Variants in PPFIA2 observed in about 807,000 individuals in gnomAD.
The protein encoded by PPFIA2 is liprin-alpha-2.
In PPFIA2, 46 loss-of-function variants were observed where a neutral mutation model predicts 175.5. The ratio of observed to expected loss-of-function variants is 0.26; its 90% confidence interval spans 0.21 to 0.34. PPFIA2 has a LOEUF of 0.34. PPFIA2 is among the 10% of genes least tolerant of loss of function. PPFIA2 has a pLI of 1.00. For synonymous variants in PPFIA2, 568 were observed against 511.4 expected (o/e 1.11, Z -1.49); for missense variants, 1,179 against 1,506.1 (o/e 0.78, Z 3.60).
chr12:81,485,773 C>CA (rs1205010971), intron 4 of PPFIA2, among the ~76,000 whole-genome samples: 1 of 151,698 alleles, frequency 6.6e-6, no homozygotes, highest in Non-Finnish European at 1.5e-5. Context: ...TTATTGATTG[C>CA]AAAATATGAA....
chr12:81,687,603 C>A (rs1402357517), intron 3 of PPFIA2: 1 of 151,988 alleles, frequency 6.6e-6, no homozygotes. Context: ...ATGTAAGACA[C>A]ATGCAAAAAT....
At chr12:81,735,682 C>G (rs2081486373) in intron 3 of PPFIA2, among the ~76,000 whole-genome samples, 1 of 151,558 alleles carries the variant, frequency 6.6e-6, no homozygotes, top group Admixed American at 6.6e-5. Context: ...ACAATGTTTT[C>G]CTATTATTTT....
intron 4 of PPFIA2, among the ~76,000 whole-genome samples, chr12:81,534,487 T>C (rs901194924): frequency 6.6e-6 from 1 of 151,664 alleles, no homozygotes; most frequent in African/African-American, 2.4e-5. Context: ...GGAAAAAATA[T>C]TTTGAAACTC....
intron 4 of PPFIA2, among the ~76,000 whole-genome samples, chr12:81,581,047 AGAAACAGT>A (rs2074327590): frequency 6.6e-6 from 1 of 151,876 alleles, no homozygotes; most frequent in South Asian, 2.1e-4. Context: ...CGGACTCTGA[AGAAACAGT>A]GAGATTTTAG....
chr12:81,320,454 A>G (rs1036439563), intron 22 of PPFIA2, among the ~76,000 whole-genome samples: 8 of 152,092 alleles, frequency 5.3e-5, no homozygotes, highest in Non-Finnish European at 1.0e-4. Context: ...ATTTGTTCAC[A>G]TATGAAATCT....
intron 4 of PPFIA2, among the ~76,000 whole-genome samples, chr12:81,498,967 T>A (rs991619939): frequency 6.6e-6 from 1 of 152,108 alleles, no homozygotes; most frequent in Admixed American, 6.5e-5. Flanking sequence ...GAAAGTGAGG[T>A]AAAGAAAAGA....
rs566763143 is a variant in PPFIA2, at chr12:81,354,869, C to T, written c.1774-1530G>A. Among the ~76,000 whole-genome samples, 5 of 152,194 alleles carry T rather than the reference C, an allele frequency of 3.3e-5. No individual in the cohort carries two copies. The South Asian group carries it at 1.0e-3, about 32-fold the overall frequency. The stretch of plus-strand genomic sequence containing the variant: ...ATGTTGGCCAGGCTGGTCTCGAGCT[C>T]CTGACTTCAGGTGATCACCTGCCTC... On this transcript the variant is annotated intron_variant, in intron 16 of 32. Coordinates refer to ENST00000549396, the MANE Select transcript of PPFIA2 (RefSeq NM_003625.5).
intron 3 of PPFIA2, among the ~76,000 whole-genome samples, chr12:81,677,063 G>A (rs570368052): frequency 6.6e-6 from 1 of 152,018 alleles, no homozygotes; most frequent in Admixed American, 6.6e-5. Flanking sequence ...AGAAAAACAT[G>A]TAAACAGATT....
chr12:81,541,628 C>A (rs1192126902), intron 4 of PPFIA2, among the ~76,000 whole-genome samples: 1 of 151,988 alleles, frequency 6.6e-6, no homozygotes. Context: ...ACAAATAGTT[C>A]TCTTTCATTA....
At chr12:81,576,445 T>C (rs1400214672) in intron 4 of PPFIA2, among the ~76,000 whole-genome samples, 2 of 151,784 alleles carry the variant, frequency 1.3e-5, no homozygotes, top group Non-Finnish European at 2.9e-5. Flanking sequence ...TTTTAACATA[T>C]GTGATTGAAC....
chr12:81,678,165 G>C (rs2072927365), intron 3 of PPFIA2, among the ~76,000 whole-genome samples: 2 of 151,682 alleles, frequency 1.3e-5, no homozygotes, highest in South Asian at 4.2e-4. Context: ...GGAAAGACAG[G>C]GATGAAGAGG....
intron 22 of PPFIA2, among the ~76,000 whole-genome samples, chr12:81,315,319 T>G (rs982824813): frequency 2.0e-5 from 3 of 151,862 alleles, no homozygotes; most frequent in African/African-American, 7.2e-5. Context: ...AATGTACACA[T>G]GGAGAAAGAA....
At chr12:81,758,324 G>C in intron 2 of PPFIA2, 76 bp downstream of exon 2, 2 of 451,294 alleles carry the variant, frequency 4.4e-6, no homozygotes, top group Non-Finnish European at 9.0e-6. Flanking sequence ...TCTTCCCTGG[G>C]GGCGGGGTGG....
Position 81,487,065 on chromosome 12 carries a change from C to T in PPFIA2, c.304-29199G>A, listed in dbSNP as rs113772331. 4.9e-3 allele frequency among the ~76,000 whole-genome samples: 738 copies of T among 151,958 alleles called. 8 individuals are homozygous for T. Among genetic ancestry groups the T allele is most frequent in the African/African-American group, 0.017 (708 of 41,506 alleles). On this transcript the variant is annotated intron_variant, in intron 4 of 32. Transcript: ENST00000549396. ...TGTGATTTCTGTCCTTAGAAAGTTT[C>T]CCTTAGGAAAGAAAAACACGTGATC...
chr12:81,718,157 T>G (rs2078880327), intron 3 of PPFIA2, among the ~76,000 whole-genome samples: 1 of 151,578 alleles, frequency 6.6e-6, no homozygotes, highest in Non-Finnish European at 1.5e-5. Context: ...ATTAAACATT[T>G]TTAATATGTC....
At chr12:81,606,707 T>C (rs1189693917) in intron 4 of PPFIA2, among the ~76,000 whole-genome samples, 1 of 152,128 alleles carries the variant, frequency 6.6e-6, no homozygotes, top group East Asian at 1.9e-4. Flanking sequence ...AGATTCTGTA[T>C]ATTAGACCTC....
intron 4 of PPFIA2, among the ~76,000 whole-genome samples, chr12:81,509,844 G>A (rs1196888315): frequency 1.3e-5 from 2 of 152,128 alleles, no homozygotes; most frequent in African/African-American, 4.8e-5. Context: ...CATCATTTTG[G>A]TGAGAACTCA....
chr12:81,757,766 T>C (rs1434575294), intron 2 of PPFIA2, among the ~76,000 whole-genome samples: 1 of 152,202 alleles, frequency 6.6e-6, no homozygotes, highest in Non-Finnish European at 1.5e-5. Flanking sequence ...ATGAGAGTGC[T>C]ACAAAAAGCT....
At chr12:81,656,170 G>T (rs755390974) in intron 4 of PPFIA2, among the ~76,000 whole-genome samples, 6 of 151,832 alleles carry the variant, frequency 4.0e-5, no homozygotes, top group Non-Finnish European at 8.8e-5. Context: ...ATTGTCTGTA[G>T]GATCTAGCTG....
Sources: gnomAD v4.1 joint callset for allele counts (sites outside exome capture counted in the v4.1 genomes callset) on GRCh38, gnomAD v4.1.1 for gene constraint, MANE v1.5 for transcripts, NCBI Gene and HGNC (gene_info 2026-07-23, HGNC 2026-07-21) for gene names.